The following LRRTM3 variants were observed in gnomAD, a reference collection of about 807,000 sequenced individuals.
LRRTM3 encodes leucine rich repeat transmembrane neuronal 3.
LRRTM3 carries 24 observed loss-of-function variants against 44.7 expected under a neutral mutation model. The ratio of observed to expected loss-of-function variants is 0.54; its 90% CI spans 0.39 to 0.76. The LOEUF (loss-of-function observed/expected upper bound fraction) is 0.76, where lower values mean the gene tolerates loss of function less well. Ranked by LOEUF, LRRTM3 falls within the 30% of genes least tolerant of loss-of-function variation. LRRTM3 has a pLI of 0.00. For synonymous variants in LRRTM3, 277 were observed against 278.7 expected (o/e 0.99, Z 0.06); for missense variants, 587 against 702.2 (o/e 0.84, Z 1.85).
At chr10:66,997,424 A>G (rs757609972) in intron 2 of LRRTM3, among the ~76,000 whole-genome samples, 8 of 152,214 alleles carry the variant, frequency 5.3e-5, no homozygotes, top group Non-Finnish European at 1.2e-4. Flanking sequence ...CTAGCACTTT[A>G]AGCATGATTT....
At chr10:67,037,368 T>TA (rs1252201779) in intron 2 of LRRTM3, among the ~76,000 whole-genome samples, 2,102 of 107,498 alleles carry the variant, frequency 0.02, 50 homozygotes, top group African/African-American at 0.065. Context: ...AATGGAAATC[T>TA]AAAAAAAAAA....
At chr10:66,933,374 T>C (rs1847517353) in intron 2 of LRRTM3, among the ~76,000 whole-genome samples, 2 of 152,146 alleles carry the variant, frequency 1.3e-5, no homozygotes, top group African/African-American at 4.8e-5. Context: ...ATCAAACACA[T>C]TGAAAATTCT....
chr10:66,986,502 A>T (rs1168839095), intron 2 of LRRTM3, among the ~76,000 whole-genome samples: 1 of 152,004 alleles, frequency 6.6e-6, no homozygotes, highest in Non-Finnish European at 1.5e-5. Context: ...ATCTTGCTAA[A>T]CTAAACTAAA....
At chr10:67,077,886 C>G (rs1238166684) in intron 2 of LRRTM3, among the ~76,000 whole-genome samples, 4 of 151,928 alleles carry the variant, frequency 2.6e-5, no homozygotes, top group Non-Finnish European at 5.9e-5. Context: ...ATCTTTTTAT[C>G]TAGATTTCTA....
intron 2 of LRRTM3, among the ~76,000 whole-genome samples, chr10:67,077,508 C>G (rs551338170): frequency 6.6e-6 from 1 of 152,256 alleles, no homozygotes; most frequent in South Asian, 2.1e-4. Flanking sequence ...CTGCCTGCCT[C>G]TCATCCTTTG....
intron 2 of LRRTM3, among the ~76,000 whole-genome samples, chr10:66,950,467 G>A (rs1052468832): frequency 1.3e-5 from 2 of 152,000 alleles, no homozygotes; most frequent in African/African-American, 4.8e-5. Flanking sequence ...TGTCACACTT[G>A]TGAGAGTCTC....
chr10:67,005,687 T>TTTTTTTTGTTTGTTTG lies in LRRTM3; in HGVS notation c.1536+77242_1536+77243insGTTTGTTTGTTTTTTT, dbSNP rs774671149. Among the ~76,000 whole-genome samples the TTTTTTTTGTTTGTTTG allele has an allele frequency of 9.3e-3, 954 of 102,314 alleles. 42 individuals carry two copies. The highest frequency in any genetic ancestry group is 0.028 in the African/African-American group (913 of 32,440). The allele number at this position is 102,314 out of a possible 152,430, so 67.1% of individuals were successfully genotyped here. A position where few individuals can be genotyped will look rare whatever the true frequency, so the allele number is the denominator to read the frequency against. ...TTTTGTTTATTTTACTCCATCTTTT[T>TTTTTTTTGTTTGTTTG]TTTTTTTTTTTTTTTTGAGACGGAG... is the stretch of plus-strand genomic sequence containing the variant. On this transcript the variant is annotated intron_variant, in intron 2 of 2. Coordinates refer to ENST00000361320, the MANE Select transcript of LRRTM3 (RefSeq NM_178011.5).
chr10:67,027,436 C>CTTTTT (rs5785811), intron 2 of LRRTM3, among the ~76,000 whole-genome samples: 7 of 134,358 alleles, frequency 5.2e-5, no homozygotes, highest in Non-Finnish European at 9.4e-5. Context: ...TCTTTCATGA[C>CTTTTT]TTTTTTTTTT....
intron 2 of LRRTM3, among the ~76,000 whole-genome samples, chr10:66,979,791 A>C (rs1023893722): frequency 2.6e-5 from 4 of 152,202 alleles, no homozygotes; most frequent in South Asian, 2.1e-4. Context: ...AAAATTTCCC[A>C]AAATTTTATT....
chr10:67,086,807 T>C (rs188639212), intron 2 of LRRTM3, among the ~76,000 whole-genome samples: 49 of 152,168 alleles, frequency 3.2e-4, no homozygotes, highest in Admixed American at 1.8e-3. Flanking sequence ...CTAGTATCTG[T>C]TATGTTTGTT....
chr10:67,088,874 C>T (rs1426057224), intron 2 of LRRTM3, among the ~76,000 whole-genome samples: 1 of 151,868 alleles, frequency 6.6e-6, no homozygotes, highest in Non-Finnish European at 1.5e-5. Flanking sequence ...GTTCTACATC[C>T]ATAAACTCAA....
chr10:66,979,491 T>C (rs969164843), intron 2 of LRRTM3, among the ~76,000 whole-genome samples: 15 of 152,302 alleles, frequency 9.8e-5, no homozygotes, highest in African/African-American at 3.6e-4. Flanking sequence ...TCACAGAAGC[T>C]GGAAAATTTC....
At chr10:66,926,633 A>C (rs1442818085) in intron 1 of LRRTM3, 46 bp downstream of exon 1, 1 of 1,599,890 alleles carries the variant, frequency 6.3e-7, no homozygotes, top group Admixed American at 1.7e-5. Flanking sequence ...AACAAAAAAC[A>C]AAAAACCTCT....
At chr10:66,976,459 C>T (rs952636579) in intron 2 of LRRTM3, among the ~76,000 whole-genome samples, 39 of 152,172 alleles carry the variant, frequency 2.6e-4, no homozygotes, top group Admixed American at 6.6e-5. Flanking sequence ...TTGCCTTCAT[C>T]TCTTTTTCTA....
At chr10:66,933,616 T>A (rs1847530043) in intron 2 of LRRTM3, among the ~76,000 whole-genome samples, 1 of 152,186 alleles carries the variant, frequency 6.6e-6, no homozygotes, top group African/African-American at 2.4e-5. Flanking sequence ...TGCTCTGATG[T>A]TTCTCCCCTG....
intron 2 of LRRTM3, among the ~76,000 whole-genome samples, chr10:66,930,877 A>G (rs1273653794): frequency 1.3e-5 from 2 of 152,176 alleles, no homozygotes; most frequent in Non-Finnish European, 2.9e-5. Flanking sequence ...AAATTATGGG[A>G]AAAAAGTTCT....
chr10:66,961,622 A>T (rs1434905108), intron 2 of LRRTM3, among the ~76,000 whole-genome samples: 1 of 152,094 alleles, frequency 6.6e-6, no homozygotes, highest in Non-Finnish European at 1.5e-5. Flanking sequence ...TACTACTGAT[A>T]TAGACAAATC....
chr10:67,089,040 T>C (rs1192032101), intron 2 of LRRTM3, among the ~76,000 whole-genome samples: 2 of 152,024 alleles, frequency 1.3e-5, no homozygotes, highest in Non-Finnish European at 1.5e-5. Flanking sequence ...TGATTTTAAA[T>C]ATATGGGAGG....
chr10:67,012,378 C>T (rs1300603574), intron 2 of LRRTM3: 1 of 152,130 alleles, frequency 6.6e-6, no homozygotes, highest in Non-Finnish European at 1.5e-5. Context: ...AGTATCTTCT[C>T]CCCTTTTCCC....
Sources: allele counts gnomAD v4.1 joint callset (sites outside exome capture counted in the v4.1 genomes callset), GRCh38; gene constraint gnomAD v4.1.1; transcripts MANE v1.5; gene names NCBI Gene and HGNC (gene_info 2026-07-23, HGNC 2026-07-21).